CNTNAP2: variants seen among roughly 807,000 people sequenced by gnomAD.
CNTNAP2 encodes the protein contactin associated protein 2.
In CNTNAP2, 98 loss-of-function variants were observed where a neutral mutation model predicts 155.2. The ratio of observed to expected loss-of-function variants is 0.63; its 90% CI spans 0.54 to 0.75. CNTNAP2 has a LOEUF of 0.75. Among genes scored for constraint, CNTNAP2 ranks in the 30% least tolerant of loss-of-function variants. The pLI is 0.00. For missense variants in CNTNAP2, 1,727 were observed against 1,688.1 expected (o/e 1.02, Z -0.40); for synonymous variants, 651 against 631.2 (o/e 1.03, Z -0.47).
chr7:148,114,391 G>A (rs1466573218), intron 15 of CNTNAP2, among the ~76,000 whole-genome samples: 2 of 152,150 alleles, frequency 1.3e-5, no homozygotes, highest in African/African-American at 4.8e-5. Context: ...ATAAATGAGA[G>A]GGGCAATGAG....
rs530882620 is a variant in CNTNAP2, at chr7:147,125,148, G to A, written c.940-3545G>A. Among the ~76,000 whole-genome samples the A allele has an allele frequency of 3.5e-4, 53 of 151,926 alleles. No individual in the cohort carries two copies. In the South Asian group the frequency reaches 0.011, roughly 32 times the overall value. On this transcript the variant is annotated intron_variant, in intron 6 of 23. Transcript: ENST00000361727. The stretch of plus-strand genomic sequence containing the variant: ...ACCCACCTCGGCCTCCCAAAGTGCT[G>A]GGATTACAGGTGTAAGCCACCCCAC...
chr7:147,451,553 A>G (rs1797834111), intron 10 of CNTNAP2, among the ~76,000 whole-genome samples: 1 of 152,096 alleles, frequency 6.6e-6, no homozygotes, highest in Non-Finnish European at 1.5e-5. Flanking sequence ...TAATACAACT[A>G]GGGCCCAGAG....
chr7:146,835,952 G>A (rs141767006), intron 2 of CNTNAP2, among the ~76,000 whole-genome samples: 1 of 152,254 alleles, frequency 6.6e-6, no homozygotes, highest in African/African-American at 2.4e-5. Context: ...AGGTTGACCA[G>A]TCGTTGCAGT....
At chr7:146,803,176 C>T (rs1802910605) in intron 2 of CNTNAP2, among the ~76,000 whole-genome samples, 1 of 151,996 alleles carries the variant, frequency 6.6e-6, no homozygotes, top group African/African-American at 2.4e-5. Flanking sequence ...ACGTCTAAAA[C>T]ACCTAAAAGT....
At position 147,280,375 on chromosome 7, in the gene CNTNAP2, G is replaced by A. The variant is rs114230253; in HGVS notation, c.1349-19766G>A. Among the ~76,000 whole-genome samples the A allele has an allele frequency of 8.5e-3, 1,285 of 151,922 alleles. 24 individuals carry two copies. Among genetic ancestry groups the A allele is most frequent in the African/African-American group, 0.029 (1,189 of 41,472 alleles). ...CAGCAAGTCTGCTTCATATTCAGGC[G>A]TCTCTTACAGGGACGAAAAAATCTC... On this transcript the variant is annotated intron_variant, in intron 8 of 23. Coordinates refer to ENST00000361727, the MANE Select transcript of CNTNAP2 (RefSeq NM_014141.6).
intron 1 of CNTNAP2, among the ~76,000 whole-genome samples, chr7:146,682,942 A>G (rs941224022): frequency 2.0e-5 from 3 of 152,212 alleles, no homozygotes; most frequent in African/African-American, 7.2e-5. Flanking sequence ...ATGAATACAT[A>G]CTACTGACAT....
intron 3 of CNTNAP2, among the ~76,000 whole-genome samples, chr7:146,933,217 A>G (rs1796820578): frequency 6.6e-6 from 1 of 151,972 alleles, no homozygotes; most frequent in African/African-American, 2.4e-5. Flanking sequence ...CCAAAACAGC[A>G]TGGTACTGGT....
At position 147,840,503 on chromosome 7, in the gene CNTNAP2, G is replaced by T. The variant is rs547541545; in HGVS notation, c.2099-63062G>T. Among the ~76,000 whole-genome samples the T allele has an allele frequency of 1.2e-4, 18 of 152,204 alleles. No homozygotes were observed. In the East Asian group the frequency reaches 3.5e-3, roughly 29 times the overall value. On this transcript the variant is annotated intron_variant, in intron 13 of 23. Transcript: ENST00000361727. ...AGGAGAGTGCCCGGGAGGGAGATAG[G>T]AGAGAAAGTACAACACTGCTCTTAC...
intron 1 of CNTNAP2, among the ~76,000 whole-genome samples, chr7:146,186,471 T>G (rs1175611678): frequency 4.6e-5 from 7 of 152,214 alleles, no homozygotes; most frequent in Non-Finnish European, 4.4e-5. Context: ...TCATAGTTAT[T>G]GAAGTCTACA....
intron 13 of CNTNAP2, among the ~76,000 whole-genome samples, chr7:147,744,763 T>G (rs77791374): frequency 0.21 from 32,324 of 152,068 alleles, 3,633 homozygotes; most frequent in Middle Eastern, 0.39. Context: ...GCACACCTGC[T>G]AGACAGAGCT....
intron 1 of CNTNAP2, among the ~76,000 whole-genome samples, chr7:146,762,191 T>C (rs866640843): frequency 1.8e-4 from 27 of 152,168 alleles, no homozygotes; most frequent in African/African-American, 6.5e-4. Flanking sequence ...CATGTCTAGA[T>C]AGAAAATAAC....
chr7:147,224,501 G>A (rs759619173), intron 8 of CNTNAP2, among the ~76,000 whole-genome samples: 9 of 152,072 alleles, frequency 5.9e-5, no homozygotes, highest in South Asian at 2.1e-4. Flanking sequence ...GTGTGCTACC[G>A]TAACAGTGTG....
intron 20 of CNTNAP2, among the ~76,000 whole-genome samples, chr7:148,250,020 A>C (rs1448730072): frequency 6.6e-6 from 1 of 152,172 alleles, no homozygotes; most frequent in Non-Finnish European, 1.5e-5. Flanking sequence ...GGACAAGCCA[A>C]AGTCTTTCCA....
At chr7:146,170,805 A>C (rs1438468343) in intron 1 of CNTNAP2, among the ~76,000 whole-genome samples, 2 of 152,110 alleles carry the variant, frequency 1.3e-5, no homozygotes, top group African/African-American at 4.8e-5. Context: ...AGGCAGGCGG[A>C]TCACGAGGTC....
chr7:146,338,327 T>C (rs990211469), intron 1 of CNTNAP2, among the ~76,000 whole-genome samples: 1 of 152,100 alleles, frequency 6.6e-6, no homozygotes, highest in African/African-American at 2.4e-5. Context: ...TAACAGAGAC[T>C]CTGTGCTTTA....
chr7:147,865,283 G>T (rs996712792), intron 13 of CNTNAP2, among the ~76,000 whole-genome samples: 1 of 152,176 alleles, frequency 6.6e-6, no homozygotes, highest in Non-Finnish European at 1.5e-5. Context: ...AAGCTGACTT[G>T]ATCATGGTGG....
chr7:147,901,643 A>G (rs1261115691), intron 13 of CNTNAP2, among the ~76,000 whole-genome samples: 1 of 152,014 alleles, frequency 6.6e-6, no homozygotes, highest in Admixed American at 6.6e-5. Context: ...GTCCTTATTG[A>G]TCTGTGTAAT....
chr7:146,913,815 T>C (rs1028660154), intron 3 of CNTNAP2, among the ~76,000 whole-genome samples: 1 of 152,020 alleles, frequency 6.6e-6, no homozygotes, highest in Non-Finnish European at 1.5e-5. Context: ...ATGAACAAGT[T>C]CTTTAGTGGT....
At chr7:147,998,823 A>C (rs34607423) in intron 15 of CNTNAP2, among the ~76,000 whole-genome samples, 45,426 of 152,124 alleles carry the variant, frequency 0.3, 7,081 homozygotes, top group East Asian at 0.5. Context: ...GTCTGTAGAC[A>C]GTGGGGAGTT....
Sources: gnomAD v4.1 joint callset for allele counts (sites outside exome capture counted in the v4.1 genomes callset) on GRCh38, gnomAD v4.1.1 for gene constraint, MANE v1.5 for transcripts, NCBI Gene and HGNC (gene_info 2026-07-23, HGNC 2026-07-21) for gene names.